Variants in UBE2F observed in about 807,000 individuals in gnomAD.
UBE2F encodes the protein NEDD8-conjugating enzyme UBE2F.
UBE2F carries 5 observed loss-of-function variants against 29.6 expected under a neutral mutation model. That is an observed-to-expected ratio of 0.17 (90% CI 0.09 to 0.36). The LOEUF (loss-of-function observed/expected upper bound fraction) is 0.36, where lower values mean the gene tolerates loss of function less well. Among genes scored for constraint, UBE2F ranks in the 10% least tolerant of loss-of-function variants. UBE2F has a pLI of 1.00. For missense variants in UBE2F, 141 were observed against 228.5 expected (o/e 0.62, Z 2.47); for synonymous variants, 66 against 81.8 (o/e 0.81, Z 1.04).
Position 237,973,141 on chromosome 2 carries a change from G to A in UBE2F, c.34G>A (p.Asp12Asn), listed in dbSNP as rs202027516. ...LTLASKLKRDDGLKGSRTAAT... is the reference protein window; with the variant it reads ...LTLASKLKRDNGLKGSRTAAT... ...GCTAGCAAGTAAACTGAAGCGTGAC[G>A]ATGGTCTCAAAGGGTCCCGGACGGC... Residue 12 changes from aspartate to asparagine, a missense_variant, in exon 2 of 10, where the codon GAT becomes AAT. Transcript: ENST00000272930. 294 of 1,613,762 alleles carry A rather than the reference G, an allele frequency of 1.8e-4. No individual in the cohort carries two copies. Among genetic ancestry groups the A allele is most frequent in the Admixed American group, 4.0e-4 (24 of 59,994 alleles).
At chr2:237,989,053 C>T (rs2063534862) in intron 3 of UBE2F, among the ~76,000 whole-genome samples, 1 of 152,030 alleles carries the variant, frequency 6.6e-6, no homozygotes, top group South Asian at 2.1e-4. Flanking sequence ...ATCATTAAAG[C>T]CTGAAAGCTT....
intron 4 of UBE2F, among the ~76,000 whole-genome samples, chr2:238,007,079 T>C (rs2063924353): frequency 6.7e-6 from 1 of 148,796 alleles, no homozygotes; most frequent in Non-Finnish European, 1.5e-5. Context: ...TCTTAGGGGG[T>C]TGCTGTCAGT....
chr2:238,010,087 T>C (rs752221639), intron 4 of UBE2F, among the ~76,000 whole-genome samples: 19 of 152,184 alleles, frequency 1.2e-4, no homozygotes, highest in Non-Finnish European at 2.2e-4. Context: ...AATGTAAACA[T>C]TTTTATGCTT....
chr2:237,990,907 T>G (rs2063574983), intron 3 of UBE2F, among the ~76,000 whole-genome samples: 2 of 152,162 alleles, frequency 1.3e-5, no homozygotes, highest in Admixed American at 6.5e-5. Context: ...CGAGCCACTG[T>G]GCATGGCCAA....
intron 2 of UBE2F, among the ~76,000 whole-genome samples, chr2:237,974,753 G>A (rs1163268979): frequency 3.9e-5 from 6 of 151,944 alleles, no homozygotes; most frequent in Admixed American, 3.9e-4. Context: ...GACCTCAGGT[G>A]ATCCGCCCGC....
At chr2:237,989,874 T>G (rs2063547783) in intron 3 of UBE2F, among the ~76,000 whole-genome samples, 1 of 151,816 alleles carries the variant, frequency 6.6e-6, no homozygotes, top group South Asian at 2.1e-4. Context: ...TTCCCAACAC[T>G]TTGGGAGGCT....
intron 2 of UBE2F, chr2:237,986,214 G>A (rs752490327): frequency 1.5e-5 from 5 of 326,866 alleles, no homozygotes; most frequent in Non-Finnish European, 3.0e-5. Flanking sequence ...CAGTGGTGTG[G>A]TCCCGGCTTA....
chr2:238,003,878 C>T (rs2106366259), intron 4 of UBE2F, among the ~76,000 whole-genome samples: 1 of 152,330 alleles, frequency 6.6e-6, no homozygotes, highest in South Asian at 2.1e-4. Context: ...AAGTTTCCAT[C>T]ACCTCAAAAA....
intron 5 of UBE2F, among the ~76,000 whole-genome samples, chr2:238,019,387 C>G (rs1208598713): frequency 6.6e-6 from 1 of 151,648 alleles, no homozygotes; most frequent in Non-Finnish European, 1.5e-5. Flanking sequence ...TCCCCCCTGC[C>G]TTTTTTTTGA....
At chr2:238,005,555 A>G (rs1467665953) in intron 4 of UBE2F, among the ~76,000 whole-genome samples, 18 of 151,542 alleles carry the variant, frequency 1.2e-4, no homozygotes. Context: ...TCTGTGATCC[A>G]GTTTGAGTTA....
rs1478866434 is a variant in UBE2F at position 238,040,474 on chromosome 2, C to T, written c.508-814C>T. On this transcript the variant is annotated intron_variant, in intron 9 of 9. Transcript: ENST00000272930. The surrounding 1 kb of genome is among the most constrained non-coding windows in gnomAD (Gnocchi z 4.4). ...TGTGTTCCCTGGGCAGTGGGGGCTG[C>T]ATGGCATTGATGGGACCGAAGCAGT... Among the ~76,000 whole-genome samples, 3 of 152,158 alleles carry T rather than the reference C, an allele frequency of 2.0e-5. No homozygotes were observed. The highest frequency in any genetic ancestry group is 7.2e-5 in the African/African-American group (3 of 41,430).
rs773030596 is a variant in UBE2F, at chr2:238,032,964, G to A, written c.444+710G>A. On this transcript the variant is annotated intron_variant, in intron 8 of 9. Transcript: ENST00000272930. The stretch of plus-strand genomic sequence containing the variant: ...CTGCCCTGCTGAGGTGGCTGACCCC[G>A]GTTTCTAGGGGATGAGGCTGGTTCC... Among the ~76,000 whole-genome samples the A allele has an allele frequency of 1.3e-3, 191 of 152,254 alleles. 1 individual carries two copies. Among genetic ancestry groups the A allele is most frequent in the Non-Finnish European group, 2.2e-3 (150 of 68,006 alleles).
chr2:238,002,966 T>A (rs1023334179), intron 4 of UBE2F, among the ~76,000 whole-genome samples: 1 of 152,092 alleles, frequency 6.6e-6, no homozygotes, highest in Non-Finnish European at 1.5e-5. Context: ...ATTTAAATAG[T>A]TATGGACATG....
At chr2:237,983,920 T>A (rs2063427175) in intron 2 of UBE2F, among the ~76,000 whole-genome samples, 1 of 152,050 alleles carries the variant, frequency 6.6e-6, no homozygotes, top group Non-Finnish European at 1.5e-5. Context: ...TCCTTTTTTC[T>A]CCCTTTTGTT....
chr2:238,004,613 C>T (rs2063864092), intron 4 of UBE2F, among the ~76,000 whole-genome samples: 5 of 152,076 alleles, frequency 3.3e-5, no homozygotes, highest in Admixed American at 2.0e-4. Context: ...AGAATAATGG[C>T]CCTAAAAGAT....
Position 238,025,582 on chromosome 2 carries a change from C to T in UBE2F, c.353+170C>T, listed in dbSNP as rs547323563. ...TGCCTGCCTGCTCCCAAACCCTACC[C>T]TACCTTCTGCCTCCAGACGAGTGTC... On this transcript the variant is annotated intron_variant, in intron 6 of 9. Coordinates refer to ENST00000272930, the MANE Select transcript of UBE2F (RefSeq NM_080678.3). Among the ~76,000 whole-genome samples the T allele has an allele frequency of 5.9e-5, 9 of 152,316 alleles. No homozygotes were observed. The South Asian group carries it at 1.4e-3, about 25-fold the overall frequency.
chr2:238,005,055 A>G (rs975410701), intron 4 of UBE2F, among the ~76,000 whole-genome samples: 1 of 152,188 alleles, frequency 6.6e-6, no homozygotes, highest in African/African-American at 2.4e-5. Context: ...CCTCCAGAAG[A>G]TAATAAATTT....
At chr2:238,032,435 C>T in intron 8 of UBE2F, 181 bp downstream of exon 8, 1 of 572,298 alleles carries the variant, frequency 1.7e-6, no homozygotes, top group Non-Finnish European at 3.1e-6. Context: ...TCCAGGAGGC[C>T]CAAACCCCAT....
At chr2:238,021,184 T>G (rs1437611182) in intron 5 of UBE2F, among the ~76,000 whole-genome samples, 3 of 152,164 alleles carry the variant, frequency 2.0e-5, no homozygotes, top group African/African-American at 7.2e-5. Context: ...TCCTCACATG[T>G]TGTTGGCCAA....
Sources: allele counts gnomAD v4.1 joint callset (sites outside exome capture counted in the v4.1 genomes callset), GRCh38; gene constraint gnomAD v4.1.1; non-coding constraint Gnocchi (gnomAD v3.1); transcripts MANE v1.5; gene names NCBI Gene and HGNC (gene_info 2026-07-23, HGNC 2026-07-21).